CBFB: variants seen among roughly 807,000 people sequenced by gnomAD.
The protein encoded by CBFB is CBF-beta.
CBFB carries 9 observed loss-of-function variants against 30.4 expected under a neutral mutation model. The ratio of observed to expected loss-of-function variants is 0.30; its 90% CI spans 0.18 to 0.52. The LOEUF (loss-of-function observed/expected upper bound fraction) is 0.52, where lower values mean the gene tolerates loss of function less well. Among genes scored for constraint, CBFB ranks in the 20% least tolerant of loss-of-function variants. CBFB has a pLI of 0.97. For missense variants in CBFB, 170 were observed against 244.0 expected (o/e 0.70, Z 2.02); for synonymous variants, 94 against 84.0 (o/e 1.12, Z -0.65).
intron 3 of CBFB, among the ~76,000 whole-genome samples, chr16:67,062,279 C>T (rs1960933966): frequency 6.7e-6 from 1 of 150,212 alleles, no homozygotes; most frequent in African/African-American, 2.4e-5. Flanking sequence ...AATGATTCTC[C>T]TGCCTCAGCC....
chr16:67,097,315 G>A (rs930781020), intron 5 of CBFB, among the ~76,000 whole-genome samples: 1 of 152,132 alleles, frequency 6.6e-6, no homozygotes. Flanking sequence ...GGAGGCCGAG[G>A]CGGGCAGATC....
In CBFB at chr16:67,099,413, CTCTT is replaced by C. The variant is rs894000483; in HGVS notation, c.*641_*644del. 8 of 215,560 alleles carry C rather than the reference CTCTT, an allele frequency of 3.7e-5. No homozygotes were observed. Among genetic ancestry groups the C allele is most frequent in the East Asian group, 6.8e-5 (1 of 14,686 alleles). 13.4% of individuals were successfully genotyped at this position (215,560 alleles called of 1,614,324 possible). ...TCCTTTTAAATGCTAGTAATCAGCACTCTTTCTTTTTTTTTTTTTTAATAGAGAC... is the reference window on the plus strand; with the variant it reads ...TCCTTTTAAATGCTAGTAATCAGCACTCTTTTTTTTTTTTTTAATAGAGAC... On this transcript the variant is annotated 3_prime_UTR_variant, in exon 6 of 6. Transcript: ENST00000412916.
At chr16:67,074,165 CAGT>C (rs1275341875) in intron 4 of CBFB, among the ~76,000 whole-genome samples, 2 of 144,562 alleles carry the variant, frequency 1.4e-5, no homozygotes, top group Non-Finnish European at 3.0e-5. Context: ...AATACAAGGT[CAGT>C]ACACCATCAG....
At chr16:67,036,930 C>G (rs1966449355) in intron 3 of CBFB, among the ~76,000 whole-genome samples, 175 bp downstream of exon 3, 1 of 151,528 alleles carries the variant, frequency 6.6e-6, no homozygotes, top group South Asian at 2.1e-4. Flanking sequence ...TGGCGTTTCG[C>G]TCTTGTTGCC....
chr16:67,060,100 A>G (rs569989324), intron 3 of CBFB, among the ~76,000 whole-genome samples: 1 of 151,640 alleles, frequency 6.6e-6, no homozygotes, highest in South Asian at 2.1e-4. Context: ...CTCAGTCTGC[A>G]GAGAGTAGCG....
intron 2 of CBFB, 71 bp downstream of exon 2, chr16:67,029,884 G>A: frequency 5.8e-6 from 6 of 1,036,446 alleles, no homozygotes; most frequent in Non-Finnish European, 7.9e-6. Context: ...GGCCGGTTCC[G>A]GACGGCGGCG....
chr16:67,066,036 A>C (rs1961041163), intron 3 of CBFB, among the ~76,000 whole-genome samples: 1 of 152,162 alleles, frequency 6.6e-6, no homozygotes, highest in Non-Finnish European at 1.5e-5. Context: ...TTCTTTGGTT[A>C]AAAGCAGTAG....
chr16:67,047,068 T>TA (rs1446524519), intron 3 of CBFB, among the ~76,000 whole-genome samples: 1 of 151,808 alleles, frequency 6.6e-6, no homozygotes, highest in African/African-American at 2.4e-5. Context: ...TCCCAGCACT[T>TA]TAGGAGGCCA....
chr16:67,060,772 C>G (rs1449577780), intron 3 of CBFB, among the ~76,000 whole-genome samples: 1 of 152,158 alleles, frequency 6.6e-6, no homozygotes, highest in African/African-American at 2.4e-5. Flanking sequence ...TCAGGCTGAT[C>G]TCAAACTCCT....
At chr16:67,088,492 G>C (rs1961789749) in intron 5 of CBFB, among the ~76,000 whole-genome samples, 1 of 152,118 alleles carries the variant, frequency 6.6e-6, no homozygotes, top group South Asian at 2.1e-4. Context: ...ATTTAAACCA[G>C]TTTCCTAACC....
chr16:67,060,126 T>C (rs1960858843), intron 3 of CBFB, among the ~76,000 whole-genome samples: 1 of 151,994 alleles, frequency 6.6e-6, no homozygotes, highest in Non-Finnish European at 1.5e-5. Flanking sequence ...TGCATTTGTG[T>C]GACACCACAC....
chr16:67,078,647 T>TA (rs1188737665), intron 4 of CBFB, among the ~76,000 whole-genome samples: 2 of 152,156 alleles, frequency 1.3e-5, no homozygotes, highest in Non-Finnish European at 2.9e-5. Context: ...TTAATAATGA[T>TA]ACTTTTTATT....
chr16:67,055,571 T>A (rs978629421), intron 3 of CBFB, among the ~76,000 whole-genome samples: 1 of 151,978 alleles, frequency 6.6e-6, no homozygotes, highest in East Asian at 1.9e-4. Flanking sequence ...TTAGCCATGA[T>A]GGTCTCGATC....
At chr16:67,078,805 A>T (rs1961476679) in intron 4 of CBFB, among the ~76,000 whole-genome samples, 1 of 152,066 alleles carries the variant, frequency 6.6e-6, no homozygotes, top group African/African-American at 2.4e-5. Flanking sequence ...GCCTGCCACC[A>T]TGCCTGGCTA....
chr16:67,051,853 T>C (rs1490864698), intron 3 of CBFB, among the ~76,000 whole-genome samples: 2 of 151,184 alleles, frequency 1.3e-5, no homozygotes, highest in Non-Finnish European at 2.9e-5. Context: ...GGTTTTAAGC[T>C]ATTCTCCTGC....
At chr16:67,045,819 A>G (rs1280362657) in intron 3 of CBFB, among the ~76,000 whole-genome samples, 3 of 144,882 alleles carry the variant, frequency 2.1e-5, no homozygotes, top group African/African-American at 5.2e-5. Flanking sequence ...TTTTTGAGAC[A>G]GTGTCTTGCT....
intron 3 of CBFB, among the ~76,000 whole-genome samples, chr16:67,065,753 A>C (rs1961032863): frequency 6.6e-6 from 1 of 152,060 alleles, no homozygotes; most frequent in Non-Finnish European, 1.5e-5. Context: ...TTTTGGGTTA[A>C]CTTACCAGTT....
chr16:67,083,808 C>A (rs920739875), intron 5 of CBFB, among the ~76,000 whole-genome samples: 25 of 151,860 alleles, frequency 1.6e-4, no homozygotes, highest in African/African-American at 5.6e-4. Context: ...TTTAAACAGA[C>A]CTCAATTATA....
chr16:67,036,618 TTG>T lies in CBFB; in HGVS notation c.166-19_166-18del. ...TGTAATGTCCTGCTCCTGATCCTGT[TTG>T]TATTGATTTTTCTAAAAGGCTTTTG... On this transcript the variant is annotated intron_variant, in intron 2 of 5. Transcript: ENST00000412916. The T allele has an allele frequency of 7.5e-7, 1 of 1,331,428 alleles. No homozygotes were observed. The highest frequency in any genetic ancestry group is 1.1e-6 in the Non-Finnish European group (1 of 922,254). The allele number at this position is 1,331,428 out of a possible 1,614,324, so 82.5% of individuals were successfully genotyped here. A position where few individuals can be genotyped will look rare whatever the true frequency, so the allele number is the denominator to read the frequency against.
Sources: gnomAD v4.1 joint callset for allele counts (sites outside exome capture counted in the v4.1 genomes callset) on GRCh38, gnomAD v4.1.1 for gene constraint, MANE v1.5 for transcripts, NCBI Gene and HGNC (gene_info 2026-07-23, HGNC 2026-07-21) for gene names.